The following MAF variants were observed in gnomAD, a reference collection of about 807,000 sequenced individuals.
The protein encoded by MAF is MAF bZIP transcription factor.
In MAF, 10 loss-of-function variants were observed where a neutral mutation model predicts 22.0. The observed-to-expected ratio is 0.45, with a 90% CI of 0.28 to 0.77. The LOEUF is 0.77. Among genes scored for constraint, MAF ranks in the 30% least tolerant of loss-of-function variants. The probability of loss-of-function intolerance (pLI) is 0.12; values close to 1 mark genes in which losing one functional copy is unlikely to be tolerated. For synonymous variants in MAF, 337 were observed against 255.8 expected (o/e 1.32, Z -3.03); for missense variants, 544 against 548.4 (o/e 0.99, Z 0.08).
downstream of MAF, among the ~76,000 whole-genome samples, chr16:79,592,796 A>G (rs1267738193): frequency 6.6e-6 from 1 of 152,254 alleles, no homozygotes. Context: ...CCAAACAAAC[A>G]AAATAAAAGA....
At chr16:79,598,516 C>G (rs982408716) in intron 1 of MAF, 2 of 1,367,842 alleles carry the variant, frequency 1.5e-6, no homozygotes, top group Non-Finnish European at 1.9e-6. Flanking sequence ...AATCCATGAG[C>G]CAGACACCCA....
chr16:79,318,789 G>A, the MAF span, among the ~76,000 whole-genome samples: 1 of 152,168 alleles, frequency 6.6e-6, no homozygotes, highest in East Asian at 1.9e-4. Context: ...ACAGGGAAAA[G>A]AGCATCTCAG....
chr16:79,282,423 C>G, the MAF span, among the ~76,000 whole-genome samples: 1 of 152,106 alleles, frequency 6.6e-6, no homozygotes, highest in Non-Finnish European at 1.5e-5. Context: ...GTGATGTGGG[C>G]ACTAGGGTAT....
the MAF span, among the ~76,000 whole-genome samples, chr16:79,353,511 C>T: frequency 6.6e-6 from 1 of 152,150 alleles, no homozygotes; most frequent in Admixed American, 6.5e-5. Context: ...AAGTGTGCTA[C>T]ATAATATGAT....
chr16:79,270,316 G>C, the MAF span, among the ~76,000 whole-genome samples: 1 of 152,148 alleles, frequency 6.6e-6, no homozygotes, highest in Non-Finnish European at 1.5e-5. Context: ...GGGTGGCTGT[G>C]TGTGATATAT....
chr16:79,244,310 G>C, the MAF span, among the ~76,000 whole-genome samples: 4 of 152,016 alleles, frequency 2.6e-5, no homozygotes, highest in African/African-American at 7.2e-5. Context: ...TGCATATTTA[G>C]AAAACCCCAT....
At chr16:79,538,577 T>C in the MAF span, among the ~76,000 whole-genome samples, 13 of 152,138 alleles carry the variant, frequency 8.5e-5, no homozygotes, top group African/African-American at 3.1e-4. Flanking sequence ...TGTAAAAATA[T>C]AACTATAATT....
At chr16:79,516,136 C>T in the MAF span, 3 of 152,116 alleles carry the variant, frequency 2.0e-5, no homozygotes, top group Non-Finnish European at 2.9e-5. Context: ...CTGGGACCTT[C>T]CCTGCCTGAG....
chr16:79,522,644 C>A, the MAF span, among the ~76,000 whole-genome samples: 1 of 152,152 alleles, frequency 6.6e-6, no homozygotes, highest in African/African-American at 2.4e-5. Flanking sequence ...GGCAAAGCAA[C>A]CTGAATGTTG....
chr16:79,447,991 G>A, the MAF span, among the ~76,000 whole-genome samples: 3 of 151,422 alleles, frequency 2.0e-5, no homozygotes, highest in Non-Finnish European at 2.9e-5. Flanking sequence ...TGAATGAGAT[G>A]TTGCTGCTTA....
chr16:79,414,221 G>A, the MAF span, among the ~76,000 whole-genome samples: 4 of 152,310 alleles, frequency 2.6e-5, no homozygotes, highest in East Asian at 1.9e-4. Context: ...AGGAGTACCT[G>A]AGGATGGGCA....
At chr16:79,360,919 G>A in the MAF span, among the ~76,000 whole-genome samples, 2 of 152,118 alleles carry the variant, frequency 1.3e-5, no homozygotes, top group East Asian at 1.9e-4. Context: ...CATGTTCAGG[G>A]ACTTTGTGTT....
chr16:79,588,438 T>C (rs1021452561), intron 1 of MAF, among the ~76,000 whole-genome samples: 2 of 152,152 alleles, frequency 1.3e-5, no homozygotes, highest in African/African-American at 4.8e-5. Flanking sequence ...TTTCTTTCTT[T>C]CTTTCTTTTT....
chr16:79,528,825 T>A, the MAF span, among the ~76,000 whole-genome samples: 2 of 152,174 alleles, frequency 1.3e-5, no homozygotes, highest in Non-Finnish European at 2.9e-5. Flanking sequence ...CACTAACTAC[T>A]CAGAGATTCT....
the MAF span, among the ~76,000 whole-genome samples, chr16:79,520,008 G>A: frequency 6.6e-6 from 1 of 152,216 alleles, no homozygotes; most frequent in Admixed American, 6.5e-5. Context: ...AGGGGATGCT[G>A]GAACTGCATT....
At chr16:79,547,403 C>G in the MAF span, among the ~76,000 whole-genome samples, 2 of 152,160 alleles carry the variant, frequency 1.3e-5, no homozygotes, top group African/African-American at 4.8e-5. Context: ...CACACACACA[C>G]ATACAATCAG....
At chr16:79,510,647 C>G in the MAF span, among the ~76,000 whole-genome samples, 1 of 152,216 alleles carries the variant, frequency 6.6e-6, no homozygotes, top group East Asian at 1.9e-4. Flanking sequence ...GTGACCTAAA[C>G]AAGCACACAA....
the MAF span, among the ~76,000 whole-genome samples, chr16:79,557,671 A>G: frequency 6.6e-6 from 1 of 152,106 alleles, no homozygotes; most frequent in Non-Finnish European, 1.5e-5. Flanking sequence ...TGTCATACCT[A>G]AACATGATTA....
chr16:79,270,224 A>C, the MAF span, among the ~76,000 whole-genome samples: 1 of 151,898 alleles, frequency 6.6e-6, no homozygotes, highest in Non-Finnish European at 1.5e-5. Flanking sequence ...TACCCCTTTA[A>C]AAAAGCATCC....
Sources: allele counts gnomAD v4.1 joint callset (sites outside exome capture counted in the v4.1 genomes callset), GRCh38; gene constraint gnomAD v4.1.1; transcripts MANE v1.5; gene names NCBI Gene and HGNC (gene_info 2026-07-23, HGNC 2026-07-21).